The following LINGO2 variants were observed in gnomAD, a reference collection of about 807,000 sequenced individuals.
LINGO2 encodes leucine rich repeat and Ig domain containing 2.
Under a neutral mutation model 30.6 loss-of-function variants are expected in LINGO2, and 14 were observed. The ratio of observed to expected loss-of-function variants is 0.46; its 90% CI spans 0.30 to 0.72. LINGO2 has a LOEUF of 0.72. Among genes scored for constraint, LINGO2 ranks in the 30% least tolerant of loss-of-function variants. The pLI, the probability that LINGO2 is intolerant of heterozygous loss-of-function variation, is 0.07. For missense variants in LINGO2, 729 were observed against 751.7 expected, an observed-to-expected ratio of 0.97 and a Z score of 0.35; for synonymous variants, 317 against 288.5, an observed-to-expected ratio of 1.10 and a Z score of -1.00.
chr9:28,084,606 T>A (rs2226188), intron 4 of LINGO2, among the ~76,000 whole-genome samples: 149,213 of 152,228 alleles, frequency 0.98, 73,201 homozygotes, highest in East Asian at 1. Flanking sequence ...TGAAGAAGCT[T>A]TGGCTCATTT....
chr9:28,930,855 C>T, the LINGO2 span, among the ~76,000 whole-genome samples: 1 of 152,158 alleles, frequency 6.6e-6, no homozygotes, highest in South Asian at 2.1e-4. This position sits in a 1 kb window ranked among gnomAD's most constrained non-coding sequence, Gnocchi z 4.2. Context: ...ACACAGAATC[C>T]TCTAGGGATT....
the LINGO2 span, among the ~76,000 whole-genome samples, chr9:28,847,427 T>C: frequency 4.1e-5 from 6 of 147,260 alleles, no homozygotes; most frequent in South Asian, 1.1e-3. Context: ...TTATGGCACG[T>C]CATTTCATTT....
At chr9:28,631,858 C>T (rs1826958812) in intron 1 of LINGO2, among the ~76,000 whole-genome samples, 1 of 152,198 alleles carries the variant, frequency 6.6e-6, no homozygotes, top group East Asian at 1.9e-4. Flanking sequence ...TGAAATAGAA[C>T]CTTTTGGTCC....
intron 5 of LINGO2, among the ~76,000 whole-genome samples, chr9:28,001,543 T>C (rs978555546): frequency 1.8e-4 from 27 of 152,214 alleles, no homozygotes; most frequent in African/African-American, 5.8e-4. Flanking sequence ...TCAGTGCTAC[T>C]TAATGGCAGA....
intron 4 of LINGO2, among the ~76,000 whole-genome samples, chr9:28,219,668 G>A (rs556515321): frequency 2.6e-5 from 4 of 152,206 alleles, no homozygotes; most frequent in South Asian, 4.1e-4. Context: ...GGCTTTTCTA[G>A]CTGTGAATTC....
chr9:28,189,260 G>GAAAA (rs1819662505), intron 4 of LINGO2, among the ~76,000 whole-genome samples: 1 of 119,194 alleles, frequency 8.4e-6, no homozygotes, highest in East Asian at 2.5e-4. Flanking sequence ...AGGGAGGAAG[G>GAAAA]AAGGGAGGGA....
chr9:28,036,499 G>A (rs968842461), intron 4 of LINGO2, among the ~76,000 whole-genome samples: 1 of 152,132 alleles, frequency 6.6e-6, no homozygotes, highest in South Asian at 2.1e-4. Context: ...ATGACTGAGG[G>A]TATTTATCTG....
chr9:28,062,869 C>A (rs1490027781), intron 4 of LINGO2, among the ~76,000 whole-genome samples: 1 of 151,800 alleles, frequency 6.6e-6, no homozygotes, highest in Non-Finnish European at 1.5e-5. Context: ...TCTTTCTGTA[C>A]TCATTAGCTG....
At chr9:28,771,185 T>G in the LINGO2 span, among the ~76,000 whole-genome samples, 1 of 151,998 alleles carries the variant, frequency 6.6e-6, no homozygotes, top group Non-Finnish European at 1.5e-5. Context: ...AGTCGTAAGA[T>G]CCCACATCTG....
At chr9:28,335,877 A>C (rs1293798484) in intron 3 of LINGO2, among the ~76,000 whole-genome samples, 1 of 152,166 alleles carries the variant, frequency 6.6e-6, no homozygotes, top group Non-Finnish European at 1.5e-5. Context: ...GGATATTACA[A>C]GTAAAACTGC....
chr9:28,402,319 T>G (rs1427201668), intron 2 of LINGO2, among the ~76,000 whole-genome samples: 5 of 152,140 alleles, frequency 3.3e-5, no homozygotes, highest in African/African-American at 9.7e-5. Flanking sequence ...GAAAAAAGTG[T>G]TAGTATGTGA....
At chr9:27,981,417 T>C (rs1435699079) in intron 5 of LINGO2, among the ~76,000 whole-genome samples, 1 of 150,022 alleles carries the variant, frequency 6.7e-6, no homozygotes, top group African/African-American at 2.4e-5. Flanking sequence ...TCTTTGACAC[T>C]AAAGTTCGTA....
At chr9:28,657,921 C>T (rs1828425514) in intron 1 of LINGO2, among the ~76,000 whole-genome samples, 1 of 151,948 alleles carries the variant, frequency 6.6e-6, no homozygotes, top group Admixed American at 6.6e-5. Flanking sequence ...TTTACTGCCT[C>T]CCACAAGTTG....
At chr9:28,605,300 A>C (rs200038253) in intron 1 of LINGO2, among the ~76,000 whole-genome samples, 1 of 151,858 alleles carries the variant, frequency 6.6e-6, no homozygotes, top group East Asian at 1.9e-4. Context: ...TGGTTACTAG[A>C]AATTTTAAAT....
At chr9:28,794,444 C>A in the LINGO2 span, among the ~76,000 whole-genome samples, 1 of 152,170 alleles carries the variant, frequency 6.6e-6, no homozygotes, top group Non-Finnish European at 1.5e-5. Flanking sequence ...ATCTGCAGAT[C>A]AATGCAAGCA....
At position 28,229,595 on chromosome 9, in the gene LINGO2, G is replaced by A. The variant is rs543764719; in HGVS notation, c.-87+65613C>T. Among the ~76,000 whole-genome samples the A allele has an allele frequency of 3.3e-5, 5 of 151,816 alleles. No individual in the cohort carries two copies. In the South Asian group the frequency reaches 1.0e-3, roughly 31 times the overall value. ...AAAGAATGACCAAAAGATCTAATAT[G>A]TGATGACAGAATAGTTGCAAAATGT... On this transcript the variant is annotated intron_variant, in intron 4 of 5. Transcript: ENST00000379992.
At chr9:28,773,151 G>A in the LINGO2 span, among the ~76,000 whole-genome samples, 4 of 152,084 alleles carry the variant, frequency 2.6e-5, no homozygotes, top group East Asian at 1.9e-4. Flanking sequence ...GGATCACGAC[G>A]TCAGGAGATC....
At chr9:28,893,490 C>T in the LINGO2 span, among the ~76,000 whole-genome samples, 1 of 151,952 alleles carries the variant, frequency 6.6e-6, no homozygotes, top group Non-Finnish European at 1.5e-5. Flanking sequence ...TAAAACCCAA[C>T]AAATTGTCCA....
intron 4 of LINGO2, among the ~76,000 whole-genome samples, chr9:28,226,448 A>G (rs1821146725): frequency 6.6e-6 from 1 of 151,964 alleles, no homozygotes; most frequent in Non-Finnish European, 1.5e-5. Context: ...TATATTAATT[A>G]TCATTTGCAC....
Sources: gnomAD v4.1 joint callset for allele counts (sites outside exome capture counted in the v4.1 genomes callset) on GRCh38, gnomAD v4.1.1 for gene constraint, Gnocchi (gnomAD v3.1) non-coding constraint, MANE v1.5 for transcripts, NCBI Gene and HGNC (gene_info 2026-07-23, HGNC 2026-07-21) for gene names.